NR6A1: variants seen among roughly 807,000 people sequenced by gnomAD.
NR6A1 encodes nuclear receptor subfamily 6 group A member 1.
Under a neutral mutation model 59.1 loss-of-function variants are expected in NR6A1, and 7 were observed. The observed-to-expected ratio is 0.12, with a 90% confidence interval of 0.07 to 0.22. The LOEUF (loss-of-function observed/expected upper bound fraction) is 0.22, where lower values mean the gene tolerates loss of function less well. Among genes scored for constraint, NR6A1 ranks in the 10% least tolerant of loss-of-function variants. The pLI, the probability that NR6A1 is intolerant of heterozygous loss-of-function variation, is 1.00. For synonymous variants in NR6A1, 243 were observed against 236.1 expected (o/e 1.03, Z -0.27); for missense variants, 468 against 611.6 (o/e 0.77, Z 2.48).
intron 2 of NR6A1, among the ~76,000 whole-genome samples, chr9:124,688,195 T>A (rs1378047706): frequency 6.6e-6 from 1 of 152,062 alleles, no homozygotes. Context: ...CATGGTGGCA[T>A]GCACCTGCAG....
intron 2 of NR6A1, among the ~76,000 whole-genome samples, chr9:124,577,805 C>A (rs539767737): frequency 2.6e-5 from 4 of 152,292 alleles, no homozygotes; most frequent in Admixed American, 2.6e-4. Flanking sequence ...TGTTTAAGGG[C>A]AGCTTCCTGA....
chr9:124,592,922 A>T (rs1163813273), intron 2 of NR6A1, among the ~76,000 whole-genome samples: 1 of 152,184 alleles, frequency 6.6e-6, no homozygotes, highest in East Asian at 1.9e-4. Context: ...GAAAGTACCT[A>T]ATGAATTAAT....
At chr9:124,607,216 G>C (rs527676097) in intron 2 of NR6A1, 8 of 152,188 alleles carry the variant, frequency 5.3e-5, no homozygotes, top group African/African-American at 1.7e-4. Context: ...GAGGCAGAAA[G>C]GTCACTTGAG....
At chr9:124,759,439 T>A (rs1285665044) in intron 1 of NR6A1, among the ~76,000 whole-genome samples, 2 of 152,330 alleles carry the variant, frequency 1.3e-5, no homozygotes, top group Admixed American at 6.5e-5. Flanking sequence ...AACACACTGC[T>A]TGACTTAGAT....
chr9:124,708,248 C>A (rs1839188506), intron 2 of NR6A1, among the ~76,000 whole-genome samples: 1 of 152,164 alleles, frequency 6.6e-6, no homozygotes, highest in South Asian at 2.1e-4. Context: ...AAGCTCCCTC[C>A]TGCAGCAGTC....
chr9:124,557,666 C>T (rs747368494), intron 2 of NR6A1, among the ~76,000 whole-genome samples: 5 of 151,934 alleles, frequency 3.3e-5, no homozygotes, highest in Non-Finnish European at 4.4e-5. Flanking sequence ...GCCAAACAGG[C>T]AAAATGAATA....
chr9:124,566,572 TTGGAATAGAC>T (rs1834246907), intron 2 of NR6A1, among the ~76,000 whole-genome samples: 1 of 152,072 alleles, frequency 6.6e-6, no homozygotes, highest in South Asian at 2.1e-4. Context: ...GAAAACTGAT[TTGGAATAGAC>T]TGCAATCGAT....
At chr9:124,617,341 G>A (rs1241897676) in intron 2 of NR6A1, among the ~76,000 whole-genome samples, 2 of 152,146 alleles carry the variant, frequency 1.3e-5, no homozygotes, top group African/African-American at 2.4e-5. Context: ...CCTGGTTTTT[G>A]TTTTGTGGTA....
chr9:124,623,051 C>G (rs1487909677), intron 2 of NR6A1, among the ~76,000 whole-genome samples: 1 of 152,160 alleles, frequency 6.6e-6, no homozygotes, highest in Non-Finnish European at 1.5e-5. Context: ...ATATTTCCCT[C>G]CACAGTGTGC....
At chr9:124,588,747 G>A (rs1323710852) in intron 2 of NR6A1, among the ~76,000 whole-genome samples, 3 of 149,008 alleles carry the variant, frequency 2.0e-5, no homozygotes, top group African/African-American at 7.4e-5. Context: ...GTGAAACCCC[G>A]TCTCTACTAA....
chr9:124,662,525 G>A (rs1435139413), intron 2 of NR6A1, among the ~76,000 whole-genome samples: 1 of 152,076 alleles, frequency 6.6e-6, no homozygotes, highest in Non-Finnish European at 1.5e-5. Flanking sequence ...ACATGGTAGA[G>A]ATTCCAAAAA....
At chr9:124,584,160 C>T (rs1302953837) in intron 2 of NR6A1, among the ~76,000 whole-genome samples, 2 of 146,724 alleles carry the variant, frequency 1.4e-5, no homozygotes, top group African/African-American at 2.5e-5. Context: ...CAGTGGGTGG[C>T]GCAATCTCAG....
chr9:124,572,483 T>C (rs1340629813), intron 2 of NR6A1, among the ~76,000 whole-genome samples: 9 of 152,182 alleles, frequency 5.9e-5, no homozygotes, highest in Admixed American at 1.3e-4. Flanking sequence ...AACCTCCATT[T>C]TGCAAGTGAG....
At chr9:124,716,917 G>A (rs773911943) in intron 2 of NR6A1, among the ~76,000 whole-genome samples, 9 of 152,178 alleles carry the variant, frequency 5.9e-5, no homozygotes, top group Non-Finnish European at 8.8e-5. Flanking sequence ...TATTACAGGC[G>A]TGAGCCACTG....
chr9:124,702,200 G>A (rs980458985), intron 2 of NR6A1, among the ~76,000 whole-genome samples: 1 of 152,078 alleles, frequency 6.6e-6, no homozygotes, highest in Non-Finnish European at 1.5e-5. Flanking sequence ...CCTAACCCAA[G>A]GTCACAAAGA....
intron 2 of NR6A1, among the ~76,000 whole-genome samples, chr9:124,680,507 AG>A (rs1428217996): frequency 1.3e-5 from 2 of 152,226 alleles, no homozygotes; most frequent in Non-Finnish European, 1.5e-5. Context: ...CAAAGTACAG[AG>A]GAAAAATGAA....
At chr9:124,570,786 C>T (rs1373536102) in intron 2 of NR6A1, among the ~76,000 whole-genome samples, 1 of 152,034 alleles carries the variant, frequency 6.6e-6, no homozygotes, top group Non-Finnish European at 1.5e-5. Flanking sequence ...AAATATAAAT[C>T]GTTCTCAGTG....
intron 2 of NR6A1, among the ~76,000 whole-genome samples, chr9:124,696,088 T>C (rs1249106575): frequency 6.6e-6 from 1 of 152,114 alleles, no homozygotes; most frequent in African/African-American, 2.4e-5. Flanking sequence ...GTCCAGAGAC[T>C]GTATTAGGGA....
intron 2 of NR6A1, among the ~76,000 whole-genome samples, chr9:124,638,244 C>T (rs1323406560): frequency 6.7e-6 from 1 of 150,244 alleles, no homozygotes; most frequent in African/African-American, 2.5e-5. Context: ...TAGAGTGAGA[C>T]ATCTGTCTCT....
Sources: gnomAD v4.1 joint callset for allele counts (sites outside exome capture counted in the v4.1 genomes callset) on GRCh38, gnomAD v4.1.1 for gene constraint, MANE v1.5 for transcripts, NCBI Gene and HGNC (gene_info 2026-07-23, HGNC 2026-07-21) for gene names.